The following DENND1C variants were observed in gnomAD, a reference collection of about 807,000 sequenced individuals.
DENND1C encodes the protein DENN domain-containing protein 1C.
A neutral mutation model predicts 87.9 loss-of-function variants in DENND1C; 64 were observed. The observed-to-expected ratio is 0.73, with a 90% CI of 0.60 to 0.90. The LOEUF is 0.90. Among genes scored for constraint, DENND1C ranks in the 40% least tolerant of loss-of-function variants. DENND1C has a pLI of 0.00. For missense variants in DENND1C, 980 were observed against 1,037.0 expected, an observed-to-expected ratio of 0.95 and a Z score of 0.76; for synonymous variants, 384 against 424.4, an observed-to-expected ratio of 0.90 and a Z score of 1.17.
rs762412351 is a variant in DENND1C at position 6,475,812 on chromosome 19, G to C, written c.779+25C>G. 1.2e-5 allele frequency: 19 copies of C among 1,521,668 alleles called. No individual in the cohort carries two copies. The African/African-American group carries it at 2.5e-4, about 20-fold the overall frequency. The allele number at this position is 1,521,668 out of a possible 1,614,324, so 94.3% of individuals were successfully genotyped here. On this transcript the variant is annotated intron_variant, in intron 11 of 22. Transcript: ENST00000381480. The stretch of plus-strand genomic sequence containing the variant: ...CCCCCAGGGCCTGCCCACAGGCCCT[G>C]CCCCTCCCAGCTGCCCTCGCTCACC...
Position 6,480,014 on chromosome 19 carries a change from C to A in DENND1C, c.55G>T (p.Ala19Ser), listed in dbSNP as rs1470189074. 12 of 1,610,672 alleles carry A rather than the reference C, an allele frequency of 7.5e-6. No homozygotes were observed. Among genetic ancestry groups the A allele is most frequent in the Non-Finnish European group, 1.0e-5 (12 of 1,178,724 alleles). Residue 19 changes from alanine to serine, a missense_variant, in exon 2 of 23, where the codon GCG becomes TCG. Ala to Ser is a moderately conservative substitution (Grantham distance 99, BLOSUM62 1). Coordinates refer to ENST00000381480, the MANE Select transcript of DENND1C (RefSeq NM_024898.4). ...SPAVFDWFFEAACPASLQEDP... is the reference protein window; with the variant it reads ...SPAVFDWFFESACPASLQEDP... ...TCCTGCAGGGAGGCAGGGCAGGCCGCTTCGAAGAACCAATCAAACACAGCA... is the reference window on the plus strand; with the variant it reads ...TCCTGCAGGGAGGCAGGGCAGGCCGATTCGAAGAACCAATCAAACACAGCA...
At chr19:6,477,911 A>C (rs1263307142) in intron 6 of DENND1C, among the ~76,000 whole-genome samples, 2 of 14,770 alleles carry the variant, frequency 1.4e-4, no homozygotes, top group Non-Finnish European at 3.5e-4. Flanking sequence ...TAAAAGTACA[A>C]AAAAAAAAAA....
Position 6,470,610 on chromosome 19 carries a change from G to GT in DENND1C, c.1291-245dup, listed in dbSNP as rs1555747420. Among the ~76,000 whole-genome samples, 168 of 100,648 alleles carry GT rather than the reference G, an allele frequency of 1.7e-3. 2 individuals carry two copies. Among genetic ancestry groups the GT allele is most frequent in the African/African-American group, 3.4e-3 (93 of 26,968 alleles). The allele number at this position is 100,648 out of a possible 152,430, so 66.0% of individuals were successfully genotyped here. ...TTTTGAGATGGAGTCTCAAAGAACA[G>GT]TTTTTTTTTGTTTTTTTTTTTTTTT... On this transcript the variant is annotated intron_variant, in intron 17 of 22. Transcript: ENST00000381480.
At chr19:6,480,345 T>C in intron 1 of DENND1C, 8 of 1,339,590 alleles carry the variant, frequency 6.0e-6, no homozygotes, top group Non-Finnish European at 7.7e-6. Context: ...GTGTGTGTGA[T>C]CCTGTCTGCT....
chr19:6,475,165 G>A lies in DENND1C; in HGVS notation c.1053+109C>T, dbSNP rs2092851015. The A allele has an allele frequency of 6.5e-6, 10 of 1,545,580 alleles. No individual in the cohort carries two copies. The African/African-American group carries it at 9.5e-5, about 15-fold the overall frequency. Reference sequence around the variant, plus strand: ...TCCCATCTCGGCATCCCAAAGTGTTGGGATTACAGGCGTGAGCCACTGCGT... The same window carrying A: ...TCCCATCTCGGCATCCCAAAGTGTTAGGATTACAGGCGTGAGCCACTGCGT... On this transcript the variant is annotated intron_variant, in intron 14 of 22. Coordinates refer to ENST00000381480, the MANE Select transcript of DENND1C (RefSeq NM_024898.4).
chr19:6,475,360 C>T lies in DENND1C; in HGVS notation c.967G>A (p.Ala323Thr). 1.2e-6 allele frequency: 2 copies of T among 1,612,218 alleles called. No individual in the cohort carries two copies. Among genetic ancestry groups the T allele is most frequent in the Non-Finnish European group, 1.7e-6 (2 of 1,179,046 alleles). Residue 323 changes from alanine to threonine, a missense_variant, in exon 14 of 23, where the codon GCC becomes ACC. Transcript: ENST00000381480. ...LRLRLRKVAL[A>T]PGEGVSRLFL... ...AGACGGGACACCCCTTCCCCGGGGG[C>T]CAGGGCGACCTTCCTGAGCCGGAGC...
Position 6,481,748 on chromosome 19 carries a change from C to A in DENND1C, c.-53G>T. On this transcript the variant is annotated 5_prime_UTR_variant, in exon 1 of 23. It adds an upstream start codon to the 5' untranslated region. Coordinates refer to ENST00000381480, the MANE Select transcript of DENND1C (RefSeq NM_024898.4). Reference sequence around the variant, plus strand: ...CCCTCTCCCCAGGGGTCCTGGGGGCCTGTGTATGCTGGGCCCCAAGCCGGC... The same window carrying A: ...CCCTCTCCCCAGGGGTCCTGGGGGCATGTGTATGCTGGGCCCCAAGCCGGC... 1 of 1,496,520 alleles carries A rather than the reference C, an allele frequency of 6.7e-7. No homozygotes were observed. Among genetic ancestry groups the A allele is most frequent in the South Asian group, 1.3e-5 (1 of 74,786 alleles). The allele number at this position is 1,496,520 out of a possible 1,614,324, so 92.7% of individuals were successfully genotyped here. A position where few individuals can be genotyped will look rare whatever the true frequency, so the allele number is the denominator to read the frequency against.
At chr19:6,471,170 T>C in intron 17 of DENND1C, 95 bp downstream of exon 17, 5 of 1,519,286 alleles carry the variant, frequency 3.3e-6, no homozygotes, top group Non-Finnish European at 4.5e-6. Flanking sequence ...GGTCTCAAAC[T>C]TCTGGTCGCA....
chr19:6,481,361 C>T (rs138788853), intron 1 of DENND1C, among the ~76,000 whole-genome samples: 20 of 152,020 alleles, frequency 1.3e-4, no homozygotes, highest in African/African-American at 2.2e-4. Context: ...CCTGATCATC[C>T]GCCCTGTGGA....
In DENND1C at chr19:6,480,345, T is replaced by A. The variant is rs1913465573; in HGVS notation, c.18-294A>T. On this transcript the variant is annotated intron_variant, in intron 1 of 22. Coordinates refer to ENST00000381480, the MANE Select transcript of DENND1C (RefSeq NM_024898.4). ...TTGTGAGCAGGCAGTGTGTGTGTGA[T>A]CCTGTCTGCTGTCTGCCTGAAAAGA... 14 of 1,339,592 alleles carry A rather than the reference T, an allele frequency of 1.0e-5. No individual in the cohort carries two copies. The South Asian group carries it at 2.1e-4, about 20-fold the overall frequency. The allele number at this position is 1,339,592 out of a possible 1,614,324, so 83.0% of individuals were successfully genotyped here. A position where few individuals can be genotyped will look rare whatever the true frequency, so the allele number is the denominator to read the frequency against.
intron 4 of DENND1C, among the ~76,000 whole-genome samples, 196 bp downstream of exon 4, chr19:6,479,473 T>A (rs1490895606): frequency 1.3e-5 from 2 of 151,878 alleles, no homozygotes; most frequent in East Asian, 3.9e-4. Flanking sequence ...GATCTCTGGG[T>A]CCCTGAGTGT....
At position 6,471,510 on chromosome 19, in the gene DENND1C, C is replaced by G. The variant is rs372900034; in HGVS notation, c.1159-14G>C. The stretch of plus-strand genomic sequence containing the variant: ...GGCTTCGATGAACTGGGGTGGGGGA[C>G]AGTAAATCAGAAACAGCAGGAGACA... On this transcript the variant is annotated splice_polypyrimidine_tract_variant and intron_variant, in intron 15 of 22. Transcript: ENST00000381480. 4.8e-5 allele frequency: 73 copies of G among 1,532,006 alleles called. No individual in the cohort carries two copies. The highest frequency in any genetic ancestry group is 6.2e-5 in the Non-Finnish European group (71 of 1,137,000). 94.9% of individuals were successfully genotyped at this position (1,532,006 alleles called of 1,614,324 possible).
At position 6,471,300 on chromosome 19, in the gene DENND1C, G is replaced by T; in HGVS notation, c.1255C>A (p.Leu419Ile). 1 of 1,598,094 alleles carries T rather than the reference G, an allele frequency of 6.3e-7. No individual in the cohort carries two copies. Among genetic ancestry groups the T allele is most frequent in the East Asian group, 2.3e-5 (1 of 44,268 alleles). ...TCGGCCCAGAGCTGATAGGATCGAA[G>T]GGCCCCTGGGGTAAGGAGAGAGTGT... ...ITGCGASSGA[L>I]RSYQLWADNL... is the part of the protein sequence containing the mutation. Residue 419 changes from leucine (L) to isoleucine (I), a missense_variant, in exon 17 of 23, where the codon CTT becomes ATT. Transcript: ENST00000381480.
chr19:6,469,388 C>T (rs2092815411), intron 19 of DENND1C: 5 of 576,896 alleles, frequency 8.7e-6, no homozygotes, highest in Admixed American at 8.3e-5. Flanking sequence ...TGTACAGTGG[C>T]GCTATCTCAG....
intron 9 of DENND1C, 53 bp from the exon 10 acceptor site, chr19:6,477,020 C>G: frequency 6.2e-7 from 1 of 1,613,384 alleles, no homozygotes; most frequent in Non-Finnish European, 8.5e-7. Context: ...ATCTTGCATC[C>G]CCGGTCCGGG....
chr19:6,469,029 G>T, intron 19 of DENND1C, 76 bp from the exon 20 acceptor site: 13 of 832,358 alleles, frequency 1.6e-5, no homozygotes, highest in African/African-American at 2.1e-5. Flanking sequence ...TCTTTAGTTA[G>T]TCTTTTTTTT....
chr19:6,479,380 C>T (rs898810348), intron 4 of DENND1C, among the ~76,000 whole-genome samples: 3 of 149,794 alleles, frequency 2.0e-5, no homozygotes, highest in Non-Finnish European at 3.0e-5. Context: ...CTCTGGGTTC[C>T]GAAGTCCCTG....
chr19:6,475,119 A>C (rs527298485), intron 14 of DENND1C, among the ~76,000 whole-genome samples, 155 bp downstream of exon 14: 61 of 152,230 alleles, frequency 4.0e-4, no homozygotes, highest in African/African-American at 1.4e-3. Context: ...CTGGTCTTGA[A>C]CTTCTGGGCT....
intron 1 of DENND1C, chr19:6,480,561 C>CCTATCTATCTATCTATCTAT (rs71174917): frequency 3.2e-5 from 4 of 124,946 alleles, no homozygotes; most frequent in African/African-American, 7.4e-5. Context: ...CACCCACCCA[C>CCTATCTATCTATCTATCTAT]CTATCTATCT....
Sources: gnomAD v4.1 joint callset for allele counts (sites outside exome capture counted in the v4.1 genomes callset) on GRCh38, gnomAD v4.1.1 for gene constraint, MANE v1.5 for transcripts, NCBI Gene and HGNC (gene_info 2026-07-23, HGNC 2026-07-21) for gene names.